The following ZC3H12B variants were observed in gnomAD, a reference collection of about 807,000 sequenced individuals.
The protein encoded by ZC3H12B is zinc finger CCCH-type containing 12B.
Under a neutral mutation model 43.9 loss-of-function variants are expected in ZC3H12B, and 7 were observed. The observed-to-expected ratio is 0.16, with a 90% CI of 0.09 to 0.30. ZC3H12B has a LOEUF of 0.30. ZC3H12B is among the 10% of genes least tolerant of loss of function. The pLI, the probability that ZC3H12B is intolerant of heterozygous loss-of-function variation, is 1.00. For synonymous variants in ZC3H12B, 222 were observed against 241.7 expected (o/e 0.92, Z 0.76); for missense variants, 475 against 670.2 (o/e 0.71, Z 3.22).
the ZC3H12B span, among the ~76,000 whole-genome samples, chrX:65,282,862 T>A: frequency 3.6e-5 from 4 of 111,546 alleles, no homozygotes; most frequent in African/African-American, 1.3e-4. Context: ...GTCCAGGACC[T>A]GACGGATTCA....
chrX:65,278,759 C>T, the ZC3H12B span, among the ~76,000 whole-genome samples: 4 of 110,126 alleles, frequency 3.6e-5, no homozygotes, highest in Non-Finnish European at 7.6e-5. Flanking sequence ...GGTATTAAGC[C>T]CAGTACTCAA....
At chrX:65,491,062 A>C (rs1056813625) in intron 1 of ZC3H12B, among the ~76,000 whole-genome samples, 7 of 112,097 alleles carry the variant, frequency 6.2e-5, no homozygotes, top group Non-Finnish European at 1.1e-4. Flanking sequence ...AGATGAAAAA[A>C]TAAGGCTCAG....
At chrX:65,212,159 A>G in the ZC3H12B span, among the ~76,000 whole-genome samples, 1 of 51,289 alleles carries the variant, frequency 1.9e-5, no homozygotes, top group African/African-American at 8.0e-5. Flanking sequence ...TTATATTAGT[A>G]TATAATATAT....
the ZC3H12B span, among the ~76,000 whole-genome samples, chrX:65,236,788 A>G: frequency 8.9e-6 from 1 of 112,058 alleles, no homozygotes; most frequent in Non-Finnish European, 1.9e-5. Context: ...TCCCAACACT[A>G]TTTATTAAAT....
chrX:65,119,202 C>G, the ZC3H12B span, among the ~76,000 whole-genome samples: 5 of 111,391 alleles, frequency 4.5e-5, no homozygotes, highest in Non-Finnish European at 7.5e-5. Flanking sequence ...ATTTCTAGTT[C>G]TAGATCCCTG....
At chrX:65,122,981 C>T in the ZC3H12B span, among the ~76,000 whole-genome samples, 1 of 111,854 alleles carries the variant, frequency 8.9e-6, no homozygotes, top group Non-Finnish European at 1.9e-5. Flanking sequence ...ATCAACAAGA[C>T]AGAAAGTTAA....
chrX:65,214,548 G>T, the ZC3H12B span, among the ~76,000 whole-genome samples: 1 of 111,658 alleles, frequency 9.0e-6, no homozygotes, highest in Non-Finnish European at 1.9e-5. Context: ...CCATGAGACT[G>T]CAGCAATTCA....
intron 3 of ZC3H12B, among the ~76,000 whole-genome samples, chrX:65,449,026 G>GGAAA (rs766358257): frequency 1.6e-5 from 1 of 61,931 alleles, no homozygotes; most frequent in African/African-American, 8.5e-5. Flanking sequence ...AAGGAAAGAA[G>GGAAA]GAAAGAAAGA....
At chrX:65,131,350 A>G in the ZC3H12B span, among the ~76,000 whole-genome samples, 1 of 111,738 alleles carries the variant, frequency 8.9e-6, no homozygotes, top group African/African-American at 3.3e-5. Flanking sequence ...GGTGGATCAG[A>G]AAGATACAGT....
At chrX:65,260,555 C>A in the ZC3H12B span, among the ~76,000 whole-genome samples, 2 of 110,880 alleles carry the variant, frequency 1.8e-5, no homozygotes, top group Non-Finnish European at 3.8e-5. Flanking sequence ...GTAAATGTAC[C>A]CTGAACCTAA....
the ZC3H12B span, among the ~76,000 whole-genome samples, chrX:65,169,664 A>T: frequency 8.0e-4 from 89 of 111,718 alleles, no homozygotes; most frequent in African/African-American, 2.6e-3. Flanking sequence ...ACTGTGTGAT[A>T]GTCTAAGTCT....
the ZC3H12B span, among the ~76,000 whole-genome samples, chrX:65,300,688 C>T: frequency 9.0e-6 from 1 of 111,121 alleles, no homozygotes; most frequent in South Asian, 3.8e-4. Flanking sequence ...CTTGTATCCT[C>T]CCTATACCAC....
At chrX:65,304,913 AT>A in the ZC3H12B span, among the ~76,000 whole-genome samples, 1 of 112,004 alleles carries the variant, frequency 8.9e-6, no homozygotes, top group African/African-American at 3.2e-5. Context: ...CGTGGAGAAA[AT>A]ATTTACATTG....
the ZC3H12B span, among the ~76,000 whole-genome samples, chrX:65,119,714 C>A: frequency 3.6e-5 from 4 of 111,633 alleles, no homozygotes; most frequent in Non-Finnish European, 7.5e-5. Flanking sequence ...GACATGAAGT[C>A]CTTGCCCATG....
Position 65,391,368 on chromosome X carries a change from A to C in ZC3H12B, n.296-7225A>C, listed in dbSNP as rs749080042. Among the ~76,000 whole-genome samples, 4 of 112,752 alleles carry C rather than the reference A, an allele frequency of 3.5e-5. No homozygotes were observed. The South Asian group carries it at 1.5e-3, about 41-fold the overall frequency. On this transcript the variant is annotated intron_variant and non_coding_transcript_variant, in intron 2 of 5. Transcript: ENST00000617377. Reference sequence around the variant, plus strand: ...CATTCTAGAAACATCTCAGTTTCACAGGTTGATTATTCAGCAGCTGTGTGG... The same window carrying C: ...CATTCTAGAAACATCTCAGTTTCACCGGTTGATTATTCAGCAGCTGTGTGG...
chrX:65,250,896 A>G, the ZC3H12B span, among the ~76,000 whole-genome samples: 1 of 110,591 alleles, frequency 9.0e-6, no homozygotes, highest in African/African-American at 3.3e-5. Context: ...TTGCCTGTTC[A>G]CTCTGATGGT....
chrX:65,201,805 C>A, the ZC3H12B span, among the ~76,000 whole-genome samples: 1 of 107,480 alleles, frequency 9.3e-6, no homozygotes, highest in East Asian at 2.9e-4. Context: ...GGGAGGGGTC[C>A]AGTGACAGGT....
chrX:65,310,460 C>A, the ZC3H12B span, among the ~76,000 whole-genome samples: 2 of 111,661 alleles, frequency 1.8e-5, no homozygotes, highest in African/African-American at 6.5e-5. Flanking sequence ...TGAAGGACCT[C>A]TTCAAGGAGA....
chrX:65,353,042 G>A, the ZC3H12B span, among the ~76,000 whole-genome samples: 1 of 109,883 alleles, frequency 9.1e-6, no homozygotes, highest in Non-Finnish European at 1.9e-5. Context: ...GTGTGTGTGC[G>A]TATGGGATTT....
Sources: allele counts gnomAD v4.1 joint callset (sites outside exome capture counted in the v4.1 genomes callset), GRCh38; gene constraint gnomAD v4.1.1; transcripts MANE v1.5; gene names NCBI Gene and HGNC (gene_info 2026-07-23, HGNC 2026-07-21).